APBB2: variants seen among roughly 807,000 people sequenced by gnomAD.
APBB2 encodes the protein Fe65-like 1.
Under a neutral mutation model 82.5 loss-of-function variants are expected in APBB2, and 38 were observed. The observed-to-expected ratio is 0.46, with a 90% CI of 0.36 to 0.60. The LOEUF (loss-of-function observed/expected upper bound fraction) is 0.60, where lower values mean the gene tolerates loss of function less well. APBB2 is among the 20% of genes least tolerant of loss of function. APBB2 has a pLI of 0.00. For synonymous variants in APBB2, 341 were observed against 368.2 expected (o/e 0.93, Z 0.85); for missense variants, 772 against 972.3 (o/e 0.79, Z 2.74).
chr4:40,995,070 G>A (rs1803267751), intron 6 of APBB2, among the ~76,000 whole-genome samples: 1 of 152,008 alleles, frequency 6.6e-6, no homozygotes, highest in Non-Finnish European at 1.5e-5. Flanking sequence ...AGGACAGCGC[G>A]CCTCAGACTA....
intron 12 of APBB2, among the ~76,000 whole-genome samples, chr4:40,855,748 A>G (rs978388807): frequency 4.6e-5 from 7 of 151,426 alleles, no homozygotes; most frequent in Non-Finnish European, 1.0e-4. Flanking sequence ...AAAAAAAAAC[A>G]AAAAAAAGGA....
chr4:40,872,813 C>A (rs1765870410), intron 12 of APBB2, among the ~76,000 whole-genome samples: 1 of 151,682 alleles, frequency 6.6e-6, no homozygotes, highest in African/African-American at 2.4e-5. Context: ...GCGCCGGGTG[C>A]AGTGGTTCAC....
chr4:41,047,944 C>T (rs1013634050), intron 4 of APBB2, among the ~76,000 whole-genome samples: 1 of 152,214 alleles, frequency 6.6e-6, no homozygotes, highest in African/African-American at 2.4e-5. Flanking sequence ...TCCTCTTTTC[C>T]CCACATTCTC....
At chr4:41,108,435 G>A (rs747430547) in intron 2 of APBB2, among the ~76,000 whole-genome samples, 12 of 152,080 alleles carry the variant, frequency 7.9e-5, no homozygotes, top group Non-Finnish European at 7.4e-5. Flanking sequence ...GAGGAAGAAC[G>A]TTGAGAAGAA....
At chr4:40,939,264 C>T (rs1173168908) in intron 7 of APBB2, among the ~76,000 whole-genome samples, 1 of 152,158 alleles carries the variant, frequency 6.6e-6, no homozygotes, top group Non-Finnish European at 1.5e-5. Flanking sequence ...TCTGTTCTTA[C>T]TTGCTCTTTG....
intron 6 of APBB2, among the ~76,000 whole-genome samples, chr4:40,979,287 C>T (rs1797922868): frequency 6.6e-6 from 1 of 152,152 alleles, no homozygotes; most frequent in Non-Finnish European, 1.5e-5. Context: ...AACAGACAAT[C>T]TTTGGACACA....
At chr4:41,152,518 C>T (rs752210795) in intron 1 of APBB2, among the ~76,000 whole-genome samples, 13 of 152,052 alleles carry the variant, frequency 8.5e-5, no homozygotes, top group East Asian at 7.7e-4. Context: ...TTAGTAGAGA[C>T]GGGATTTCAC....
At chr4:41,093,755 G>A (rs1396744273) in intron 3 of APBB2, among the ~76,000 whole-genome samples, 1 of 152,160 alleles carries the variant, frequency 6.6e-6, no homozygotes, top group African/African-American at 2.4e-5. Context: ...TTGGGAGCCT[G>A]AGGCGGAAGA....
At chr4:40,977,936 T>C (rs189141935) in intron 6 of APBB2, among the ~76,000 whole-genome samples, 123 of 152,330 alleles carry the variant, frequency 8.1e-4, no homozygotes, top group East Asian at 1.9e-3. Context: ...GGGTGTGACA[T>C]AGTGATGTGG....
chr4:40,848,229 T>C (rs1416258582), intron 12 of APBB2, among the ~76,000 whole-genome samples: 1 of 152,240 alleles, frequency 6.6e-6, no homozygotes, highest in African/African-American at 2.4e-5. Context: ...CAAGTAACAG[T>C]AGCGGCTCCT....
At chr4:40,890,525 C>T (rs1056618350) in intron 11 of APBB2, 34 bp from the exon 12 acceptor site, 3 of 1,611,132 alleles carry the variant, frequency 1.9e-6, no homozygotes, top group Non-Finnish European at 2.5e-6. Flanking sequence ...CTGTCTTCTT[C>T]ATGCAGGCTG....
intron 10 of APBB2, among the ~76,000 whole-genome samples, chr4:40,904,475 G>A (rs1312652643): frequency 6.9e-6 from 1 of 144,572 alleles, no homozygotes; most frequent in Non-Finnish European, 1.6e-5. Flanking sequence ...AAATAATAAG[G>A]CAGCCAGTGA....
At chr4:40,895,740 G>A (rs963311360) in intron 10 of APBB2, among the ~76,000 whole-genome samples, 3 of 152,178 alleles carry the variant, frequency 2.0e-5, no homozygotes, top group Non-Finnish European at 2.9e-5. Context: ...AAATCACAGT[G>A]TCCCAGCTGA....
intron 6 of APBB2, among the ~76,000 whole-genome samples, chr4:40,967,536 T>C (rs1205359386): frequency 6.6e-6 from 1 of 152,166 alleles, no homozygotes; most frequent in Non-Finnish European, 1.5e-5. Context: ...GCAGTATGCC[T>C]GGTCCAGCCA....
At chr4:41,189,960 T>C (rs370211116) in intron 1 of APBB2, among the ~76,000 whole-genome samples, 3 of 152,220 alleles carry the variant, frequency 2.0e-5, no homozygotes, top group African/African-American at 7.2e-5. Flanking sequence ...GTTTCCTGAA[T>C]TTAGTAAACA....
rs554935098 is a variant in APBB2 at position 40,835,133 on chromosome 4, G to A, written c.1530-4556C>T. Among the ~76,000 whole-genome samples the A allele has an allele frequency of 1.6e-4, 24 of 152,034 alleles. No individual in the cohort carries two copies. The East Asian group carries it at 4.1e-3, about 26-fold the overall frequency. Reference sequence around the variant, plus strand: ...CTACTAAAAATACAAAAACTTAGCCGGGCGTGGTGGCGGGCGCCTGTAGTC... The same window carrying A: ...CTACTAAAAATACAAAAACTTAGCCAGGCGTGGTGGCGGGCGCCTGTAGTC... On this transcript the variant is annotated intron_variant, in intron 12 of 17. Coordinates refer to ENST00000508593, the MANE Select transcript of APBB2 (RefSeq NM_004307.2).
At chr4:41,023,567 A>G (rs62412136) in intron 5 of APBB2, among the ~76,000 whole-genome samples, 6,972 of 152,226 alleles carry the variant, frequency 0.046, 343 homozygotes, top group African/African-American at 0.12. Context: ...AATCAGAAAC[A>G]CAATCTCATT....
intron 1 of APBB2, among the ~76,000 whole-genome samples, chr4:41,160,000 A>G (rs141884611): frequency 0.011 from 1,626 of 143,820 alleles, 171 homozygotes; most frequent in African/African-American, 0.044. Context: ...GAAGAAGAAG[A>G]AGAAGAAGAA....
At chr4:40,824,282 C>T (rs1471563414) in intron 15 of APBB2, among the ~76,000 whole-genome samples, 1 of 152,192 alleles carries the variant, frequency 6.6e-6, no homozygotes, top group African/African-American at 2.4e-5. Flanking sequence ...GCCCTTCAGC[C>T]TCTCTCCACC....
Sources: gnomAD v4.1 joint callset for allele counts (sites outside exome capture counted in the v4.1 genomes callset) on GRCh38, gnomAD v4.1.1 for gene constraint, MANE v1.5 for transcripts, NCBI Gene and HGNC (gene_info 2026-07-23, HGNC 2026-07-21) for gene names.